The following TNR variants were observed in gnomAD, a reference collection of about 807,000 sequenced individuals.
The protein encoded by TNR is tenascin-R.
TNR carries 45 observed loss-of-function variants against 150.4 expected under a neutral mutation model. The ratio of observed to expected loss-of-function variants is 0.30; its 90% CI spans 0.24 to 0.38. The LOEUF is 0.38. Ranked by LOEUF, TNR falls within the 10% of genes least tolerant of loss-of-function variation. The pLI, the probability that TNR is intolerant of heterozygous loss-of-function variation, is 1.00. For synonymous variants in TNR, 687 were observed against 678.4 expected (o/e 1.01, Z -0.20); for missense variants, 1,544 against 1,759.1 (o/e 0.88, Z 2.19).
chr1:175,700,233 C>T (rs1041607549), intron 1 of TNR, among the ~76,000 whole-genome samples: 4 of 152,030 alleles, frequency 2.6e-5, no homozygotes, highest in Non-Finnish European at 5.9e-5. Context: ...CCTCTCTTGG[C>T]CTCCCTGACA....
At chr1:175,709,923 T>C (rs1666957115) in intron 1 of TNR, among the ~76,000 whole-genome samples, 1 of 151,886 alleles carries the variant, frequency 6.6e-6, no homozygotes, top group African/African-American at 2.4e-5. Context: ...CTCACTCTAA[T>C]GCAAAGTGAG....
chr1:175,617,573 A>C (rs1188815943), intron 1 of TNR, among the ~76,000 whole-genome samples: 1 of 152,236 alleles, frequency 6.6e-6, no homozygotes, highest in East Asian at 1.9e-4. Context: ...GAGACCAGCC[A>C]CATCAGCATT....
intron 1 of TNR, among the ~76,000 whole-genome samples, chr1:175,672,060 G>A (rs1327406731): frequency 1.3e-5 from 2 of 152,060 alleles, no homozygotes; most frequent in Non-Finnish European, 2.9e-5. Context: ...TAAAGAGATG[G>A]ATGGATAGAT....
chr1:175,633,356 C>T (rs1412632143), intron 1 of TNR, among the ~76,000 whole-genome samples: 1 of 151,876 alleles, frequency 6.6e-6, no homozygotes, highest in Non-Finnish European at 1.5e-5. Flanking sequence ...TGGCTGGCCC[C>T]CTTTGAGAGC....
chr1:175,371,652 G>A (rs959467921), intron 9 of TNR, among the ~76,000 whole-genome samples: 3 of 152,182 alleles, frequency 2.0e-5, no homozygotes, highest in Admixed American at 1.3e-4. Flanking sequence ...GTATTACTGA[G>A]CTTCTTAAAG....
At chr1:175,607,270 G>A (rs111987546) in intron 1 of TNR, among the ~76,000 whole-genome samples, 276 of 152,278 alleles carry the variant, frequency 1.8e-3, no homozygotes, top group Non-Finnish European at 3.3e-3. Context: ...GCTCAAGTAG[G>A]AAGGACATTT....
Position 175,689,339 on chromosome 1 carries a change from TA to T in TNR, c.-165+53886del. ...CCCGTCTTTCCACAGGGATACCAGG[TA>T]GCATGACCGAATACCTTAATCTACC... On this transcript the variant is annotated intron_variant, in intron 1 of 22. Transcript: ENST00000367674. Among the ~76,000 whole-genome samples the T allele has an allele frequency of 1.3e-5, 2 of 152,214 alleles. 1 individual carries two copies. The highest frequency in any genetic ancestry group is 6.8e-3 in the Middle Eastern group (2 of 294).
At chr1:175,580,392 T>C (rs1279175630) in intron 1 of TNR, among the ~76,000 whole-genome samples, 1 of 152,172 alleles carries the variant, frequency 6.6e-6, no homozygotes, top group African/African-American at 2.4e-5. Context: ...TATTTGCATA[T>C]GAAATGTGAT....
chr1:175,369,355 G>A (rs1651986062), intron 9 of TNR, among the ~76,000 whole-genome samples: 1 of 152,172 alleles, frequency 6.6e-6, no homozygotes, highest in Admixed American at 6.5e-5. Context: ...AGGAGACCTA[G>A]GTTCTGGTGG....
At chr1:175,498,305 A>G (rs1278383201) in intron 2 of TNR, among the ~76,000 whole-genome samples, 3 of 152,192 alleles carry the variant, frequency 2.0e-5, no homozygotes, top group Non-Finnish European at 4.4e-5. Context: ...TGCTGATGGG[A>G]TATGAGCCTG....
intron 2 of TNR, among the ~76,000 whole-genome samples, chr1:175,508,792 A>G (rs183441904): frequency 9.2e-5 from 14 of 152,350 alleles, no homozygotes; most frequent in Admixed American, 7.2e-4. Flanking sequence ...GGCCCTCAGA[A>G]ACTGTGAAGC....
At chr1:175,398,692 G>A (rs180864481) in intron 4 of TNR, among the ~76,000 whole-genome samples, 3 of 152,138 alleles carry the variant, frequency 2.0e-5, no homozygotes, top group Non-Finnish European at 2.9e-5. Flanking sequence ...TATAGATGAC[G>A]AAATTGGGCC....
At chr1:175,428,032 T>C (rs1018630638) in intron 2 of TNR, among the ~76,000 whole-genome samples, 13 of 152,124 alleles carry the variant, frequency 8.5e-5, no homozygotes, top group Non-Finnish European at 1.6e-4. Flanking sequence ...AATCCTATCT[T>C]TTTGTAGCTT....
chr1:175,676,417 G>A (rs1170657129), intron 1 of TNR, among the ~76,000 whole-genome samples: 1 of 152,144 alleles, frequency 6.6e-6, no homozygotes, highest in Non-Finnish European at 1.5e-5. Flanking sequence ...TGTCCCTCCA[G>A]AGAAAGGCCA....
rs1648920652 is a variant in TNR at position 175,319,117 on chromosome 1, C to T, written c.*4240G>A. 6.6e-6 allele frequency: 1 copy of T among 152,152 alleles called. No homozygotes were observed. Among genetic ancestry groups the T allele is most frequent in the Admixed American group, 6.5e-5 (1 of 15,280 alleles). The allele number at this position is 152,152 out of a possible 1,614,324, so 9.4% of individuals were successfully genotyped here. A position where few individuals can be genotyped will look rare whatever the true frequency, so the allele number is the denominator to read the frequency against. On this transcript the variant is annotated 3_prime_UTR_variant, in exon 23 of 23. Coordinates refer to ENST00000367674, the MANE Select transcript of TNR (RefSeq NM_003285.3). ...AGTATTCTGGTGATAAGAAAGCAAG[C>T]AGTAGAATACCATATATCCTGGGCA...
chr1:175,708,016 GTT>G (rs1157797508), intron 1 of TNR, among the ~76,000 whole-genome samples: 14 of 109,690 alleles, frequency 1.3e-4, no homozygotes, highest in African/African-American at 3.8e-4. Context: ...CCATGTGTGT[GTT>G]TGTGTGTGTG....
intron 18 of TNR, among the ~76,000 whole-genome samples, chr1:175,353,356 G>A (rs2102004121): frequency 6.6e-6 from 1 of 152,322 alleles, no homozygotes; most frequent in East Asian, 1.9e-4. Flanking sequence ...TACATGTAAT[G>A]CAGTTAAACA....
At chr1:175,656,103 A>T (rs1419012271) in intron 1 of TNR, among the ~76,000 whole-genome samples, 3 of 150,722 alleles carry the variant, frequency 2.0e-5, no homozygotes, top group Admixed American at 6.6e-5. Flanking sequence ...CCTTTAAAAA[A>T]ATCTATCCTT....
intron 1 of TNR, among the ~76,000 whole-genome samples, chr1:175,720,509 C>T (rs1236827153): frequency 6.6e-6 from 1 of 152,170 alleles, no homozygotes; most frequent in Non-Finnish European, 1.5e-5. Context: ...ACACCTGCCC[C>T]AAGACGGGAA....
Sources: allele counts gnomAD v4.1 joint callset (sites outside exome capture counted in the v4.1 genomes callset), GRCh38; gene constraint gnomAD v4.1.1; transcripts MANE v1.5; gene names NCBI Gene and HGNC (gene_info 2026-07-23, HGNC 2026-07-21).